CCDC63: variants seen among roughly 807,000 people sequenced by gnomAD.
CCDC63 encodes coiled-coil domain-containing protein 63.
Under a neutral mutation model 63.6 loss-of-function variants are expected in CCDC63, and 54 were observed. The ratio of observed to expected loss-of-function variants is 0.85; its 90% CI spans 0.68 to 1.07. The LOEUF (loss-of-function observed/expected upper bound fraction) is 1.07, where lower values mean the gene tolerates loss of function less well. Among genes scored for constraint, CCDC63 ranks in the 50% least tolerant of loss-of-function variants. The probability of loss-of-function intolerance (pLI) is 0.00; values close to 1 mark genes in which losing one functional copy is unlikely to be tolerated. For synonymous variants in CCDC63, 253 were observed against 266.1 expected (o/e 0.95, Z 0.48); for missense variants, 637 against 689.6 (o/e 0.92, Z 0.86).
intron 4 of CCDC63, among the ~76,000 whole-genome samples, chr12:110,866,097 C>T (rs2070943512): frequency 6.6e-6 from 1 of 152,260 alleles, no homozygotes; most frequent in South Asian, 2.1e-4. Context: ...CATGCCTCAG[C>T]CTGCCAAGTA....
Position 110,889,685 on chromosome 12 carries a change from T to C in CCDC63, c.1075-3391T>C, listed in dbSNP as rs373115176. Among the ~76,000 whole-genome samples, 71 of 152,244 alleles carry C rather than the reference T, an allele frequency of 4.7e-4. No homozygotes were observed. Among genetic ancestry groups the C allele is most frequent in the East Asian group, 3.5e-3 (18 of 5,186 alleles). On this transcript the variant is annotated intron_variant, in intron 8 of 11. Transcript: ENST00000308208. The surrounding 1 kb of genome is among the most constrained non-coding windows in gnomAD (Gnocchi z 4.1). ...CCATTTCTCAGAGAGGCAGGGGCCA[T>C]GGGAGATCTCCGAGCAGGGGAGCGG...
upstream of CCDC63, chr12:110,846,920 T>A (rs1462420425): frequency 2.6e-5 from 4 of 152,248 alleles, no homozygotes; most frequent in Non-Finnish European, 5.9e-5. Context: ...AGAACGTCCA[T>A]GTTTGTGCGA....
chr12:110,849,652 C>G (rs1389849945), intron 1 of CCDC63, among the ~76,000 whole-genome samples: 1 of 152,006 alleles, frequency 6.6e-6, no homozygotes, highest in South Asian at 2.1e-4. Context: ...GTGCCCACCA[C>G]CATGCCCAGC....
At chr12:110,883,602 A>ATTTT (rs570809331) in intron 7 of CCDC63, among the ~76,000 whole-genome samples, 1 of 141,108 alleles carries the variant, frequency 7.1e-6, no homozygotes, top group Non-Finnish European at 1.6e-5. Context: ...TACTATATAT[A>ATTTT]TATTTTTTTG....
rs528767709 is a variant in CCDC63, at chr12:110,889,544, C to T, written c.1075-3532C>T. On this transcript the variant is annotated intron_variant, in intron 8 of 11. Coordinates refer to ENST00000308208, the MANE Select transcript of CCDC63 (RefSeq NM_152591.3). The surrounding 1 kb of genome is among the most constrained non-coding windows in gnomAD (Gnocchi z 4.1). The stretch of plus-strand genomic sequence containing the variant: ...AACAGCAACAGCACACGCAAAGGCC[C>T]TGACGCAGCTTGCAAGCAGGCCAGG... 1.3e-5 allele frequency among the ~76,000 whole-genome samples: 2 copies of T among 152,250 alleles called. No homozygotes were observed. Among genetic ancestry groups the T allele is most frequent in the Admixed American group, 1.3e-4 (2 of 15,274 alleles).
intron 1 of CCDC63, among the ~76,000 whole-genome samples, chr12:110,851,969 T>C (rs2070710282): frequency 6.6e-6 from 1 of 152,154 alleles, no homozygotes; most frequent in Non-Finnish European, 1.5e-5. Flanking sequence ...CTTTAAACCA[T>C]TGCATTGCAG....
chr12:110,858,876 T>C, intron 4 of CCDC63, 101 bp downstream of exon 4: 1 of 948,404 alleles, frequency 1.1e-6, no homozygotes, highest in South Asian at 1.6e-5. Context: ...CACCCCTGTA[T>C]CACAGTATCT....
intron 7 of CCDC63, among the ~76,000 whole-genome samples, chr12:110,882,133 G>A (rs2071216837): frequency 6.6e-6 from 1 of 152,202 alleles, no homozygotes; most frequent in Non-Finnish European, 1.5e-5. Flanking sequence ...CCGGCGTCTG[G>A]AGGAAACTGG....
chr12:110,894,726 C>A (rs1002128309), intron 9 of CCDC63, among the ~76,000 whole-genome samples: 5 of 152,208 alleles, frequency 3.3e-5, no homozygotes, highest in Non-Finnish European at 5.9e-5. Flanking sequence ...AGAATCCAGA[C>A]TCTTGTTGAG....
chr12:110,880,154 C>A, intron 6 of CCDC63, 67 bp downstream of exon 6: 1 of 1,376,180 alleles, frequency 7.3e-7, no homozygotes, highest in Non-Finnish European at 1.0e-6. Flanking sequence ...TAGCTTCCTA[C>A]TCTGGGCCAC....
chr12:110,853,625 G>T (rs2136642500), intron 3 of CCDC63, 51 bp downstream of exon 3: 3 of 1,606,698 alleles, frequency 1.9e-6, no homozygotes, highest in Non-Finnish European at 2.6e-6. Context: ...GAAAGTTGGG[G>T]TTGGGCTTCA....
intron 1 of CCDC63, among the ~76,000 whole-genome samples, chr12:110,851,071 CCACAGTGTGTAG>C (rs2070699394): frequency 6.6e-6 from 1 of 152,180 alleles, no homozygotes. Context: ...CCACTGAATT[CCACAGTGTGTAG>C]CATACAGTGG....
At chr12:110,866,675 T>C (rs899644612) in intron 4 of CCDC63, among the ~76,000 whole-genome samples, 2 of 151,230 alleles carry the variant, frequency 1.3e-5, no homozygotes, top group African/African-American at 4.9e-5. Flanking sequence ...CAGAGGAATT[T>C]TTCTTAGTGC....
intron 5 of CCDC63, among the ~76,000 whole-genome samples, chr12:110,874,225 T>C (rs1196665240): frequency 1.3e-5 from 2 of 151,912 alleles, no homozygotes; most frequent in African/African-American, 2.4e-5. Context: ...AAACTTCCTG[T>C]TGGTTTTCAA....
chr12:110,845,637 C>G (rs942066196), upstream of CCDC63: 1 of 152,134 alleles, frequency 6.6e-6, no homozygotes, highest in Non-Finnish European at 1.5e-5. Flanking sequence ...GTGGCCCGAA[C>G]CCTGTATGTA....
rs1040188367 is a variant in CCDC63 at position 110,889,030 on chromosome 12, C to T, written c.1075-4046C>T. Among the ~76,000 whole-genome samples the T allele has an allele frequency of 5.9e-5, 9 of 152,030 alleles. No homozygotes were observed. The highest frequency in any genetic ancestry group is 1.3e-4 in the Non-Finnish European group (9 of 68,020). ...GGGACTACAGGCACACACCACCACA[C>T]CCAGCTAATTTTTGTATTTTTTGCA... On this transcript the variant is annotated intron_variant, in intron 8 of 11. Transcript: ENST00000308208. This position sits in a 1 kb window ranked among gnomAD's most constrained non-coding sequence, Gnocchi z 4.1.
At chr12:110,868,603 C>T (rs1463230099) in intron 4 of CCDC63, among the ~76,000 whole-genome samples, 7 of 151,724 alleles carry the variant, frequency 4.6e-5, no homozygotes, top group African/African-American at 7.3e-5. Flanking sequence ...TGCCTGCAAT[C>T]GCAGGCATTC....
At chr12:110,879,517 A>T (rs781254244) in intron 5 of CCDC63, among the ~76,000 whole-genome samples, 2 of 152,088 alleles carry the variant, frequency 1.3e-5, no homozygotes, top group Non-Finnish European at 2.9e-5. Context: ...TTTTTTTTTC[A>T]TGCTGTCAAT....
At chr12:110,902,696 A>G (rs554811919) in intron 10 of CCDC63, among the ~76,000 whole-genome samples, 1 of 152,142 alleles carries the variant, frequency 6.6e-6, no homozygotes, top group Non-Finnish European at 1.5e-5. Flanking sequence ...ATGATAGCAA[A>G]TTTTGGTTGC....
Sources: gnomAD v4.1 joint callset for allele counts (sites outside exome capture counted in the v4.1 genomes callset) on GRCh38, gnomAD v4.1.1 for gene constraint, Gnocchi (gnomAD v3.1) non-coding constraint, MANE v1.5 for transcripts, NCBI Gene and HGNC (gene_info 2026-07-23, HGNC 2026-07-21) for gene names.